The following PRCD variants were observed in gnomAD, a reference collection of about 807,000 sequenced individuals.
PRCD encodes photoreceptor disk component PRCD.
Under a neutral mutation model 10.1 loss-of-function variants are expected in PRCD, and 12 were observed. That is an observed-to-expected ratio of 1.18 (90% CI 0.76 to 1.92). PRCD has a LOEUF of 1.92. Ranked by LOEUF, PRCD falls within the 40% of genes most tolerant of loss-of-function variation. PRCD has a pLI of 0.00. For synonymous variants in PRCD, 31 were observed against 26.2 expected (o/e 1.18, Z -0.56); for missense variants, 61 against 72.2 (o/e 0.84, Z 0.56).
chr17:76,548,600 G>T (rs1388242280), downstream of PRCD, among the ~76,000 whole-genome samples: 5 of 152,216 alleles, frequency 3.3e-5, no homozygotes, highest in Non-Finnish European at 1.5e-5. Flanking sequence ...CATTTGTCAA[G>T]CCCAGGTGGG....
At chr17:76,539,993 C>T (rs1294440781), upstream of PRCD, 18 of 789,860 alleles carry the variant, frequency 2.3e-5, no homozygotes, top group Non-Finnish European at 3.1e-5. Context: ...GGCCGCTGAC[C>T]CACTAATCAG....
intron 1 of PRCD, chr17:76,552,190 C>G (rs1385622051): frequency 1.3e-5 from 2 of 152,022 alleles, no homozygotes; most frequent in East Asian, 3.9e-4. Context: ...TAAAATCTCA[C>G]TTTTTATTTA....
At chr17:76,532,775 G>A (rs1208849731) in intron 1 of PRCD, among the ~76,000 whole-genome samples, 1 of 152,060 alleles carries the variant, frequency 6.6e-6, no homozygotes. Context: ...GACCTCAGGC[G>A]ATCCGCCTGC....
At chr17:76,537,541 A>T (rs748260968), upstream of PRCD, 1 of 1,542,190 alleles carries the variant, frequency 6.5e-7, no homozygotes, top group Non-Finnish European at 8.7e-7. Context: ...CACTTTCTCC[A>T]TGAGCAGCTC....
upstream of PRCD, among the ~76,000 whole-genome samples, chr17:76,536,198 C>T (rs1243242213): frequency 1.3e-5 from 2 of 152,204 alleles, no homozygotes; most frequent in African/African-American, 4.8e-5. Flanking sequence ...CCTCTAACTC[C>T]TTAGAAGTGC....
At position 76,531,712 on chromosome 17, in the gene PRCD, G is replaced by A. The variant is rs754600110; in HGVS notation, n.45+3879G>A. On this transcript the variant is annotated intron_variant and non_coding_transcript_variant, in intron 1 of 4. Transcript: ENST00000397633. This position sits in a 1 kb window ranked among gnomAD's most constrained non-coding sequence, Gnocchi z 7.4. ...AGAACCTGGCAAGAGGAACAGGGGT[G>A]GTCGCTGAAGCTGGAGGCTGCCTCG... The A allele has an allele frequency of 6.4e-7, 1 of 1,566,746 alleles. No individual in the cohort carries two copies. Among genetic ancestry groups the A allele is most frequent in the East Asian group, 2.3e-5 (1 of 44,080 alleles).
In PRCD at chr17:76,528,698, G is replaced by C; in HGVS notation, n.45+865G>C. The C allele has an allele frequency of 8.4e-7, 1 of 1,184,654 alleles. No homozygotes were observed. The highest frequency in any genetic ancestry group is 1.1e-6 in the Non-Finnish European group (1 of 930,032). 73.4% of individuals were successfully genotyped at this position (1,184,654 alleles called of 1,614,324 possible). ...GAAAGGGGGAGGACCTGGGGCTGGC[G>C]AGGCTCACTTCCTGCCAAGAGATCC... On this transcript the variant is annotated intron_variant and non_coding_transcript_variant, in intron 1 of 4. Coordinates refer to the PRCD transcript ENST00000397633. This position sits in a 1 kb window ranked among gnomAD's most constrained non-coding sequence, Gnocchi z 5.8.
chr17:76,552,102 A>G (rs971162441), intron 1 of PRCD: 3 of 152,220 alleles, frequency 2.0e-5, no homozygotes, highest in Admixed American at 2.0e-4. Context: ...GGGAAGAATT[A>G]TTTTTAAAAG....
chr17:76,549,515 G>A (rs1199683782), downstream of PRCD, among the ~76,000 whole-genome samples: 2 of 152,202 alleles, frequency 1.3e-5, no homozygotes, highest in African/African-American at 2.4e-5. Flanking sequence ...TGTCATACAC[G>A]GCTGGGGACT....
Position 76,544,571 on chromosome 17 carries a change from C to T in PRCD, c.*921C>T, listed in dbSNP as rs2075032095. 2 of 456,584 alleles carry T rather than the reference C, an allele frequency of 4.4e-6. No homozygotes were observed. Among genetic ancestry groups the T allele is most frequent in the South Asian group, 3.1e-5 (2 of 64,576 alleles). The allele number at this position is 456,584 out of a possible 1,614,324, so 28.3% of individuals were successfully genotyped here. On this transcript the variant is annotated 3_prime_UTR_variant, in exon 5 of 5. Coordinates refer to ENST00000592014, the MANE Select transcript of PRCD (RefSeq NM_001077620.3). ...ACACTAGGGAAGGAGCCTGCAGAGG[C>T]AAAGCCAGAGCGCCAGCCTGACCCA...
At chr17:76,539,946 T>C (rs143617397), upstream of PRCD, 1,786 of 615,932 alleles carry the variant, frequency 2.9e-3, 21 homozygotes, top group African/African-American at 0.027. Flanking sequence ...GGGGAGAACC[T>C]GGGCCCAGTG....
In PRCD at chr17:76,528,587, C is replaced by G. The variant is rs376871878; in HGVS notation, n.45+754C>G. 1.6e-6 allele frequency: 2 copies of G among 1,286,300 alleles called. No individual in the cohort carries two copies. Among genetic ancestry groups the G allele is most frequent in the African/African-American group, 1.5e-5 (1 of 65,486 alleles). 79.7% of individuals were successfully genotyped at this position (1,286,300 alleles called of 1,614,324 possible). A position where few individuals can be genotyped will look rare whatever the true frequency, so the allele number is the denominator to read the frequency against. On this transcript the variant is annotated intron_variant and non_coding_transcript_variant, in intron 1 of 4. Coordinates refer to the PRCD transcript ENST00000397633. The surrounding 1 kb of genome is among the most constrained non-coding windows in gnomAD (Gnocchi z 5.8). ...GGTGGAGTTAGGGGTCCTACGGCCC[C>G]GAAGAGGGCAGTGTGGCCGGTGGGC...
At chr17:76,537,648 G>A, upstream of PRCD, 1 of 954,338 alleles carries the variant, frequency 1.0e-6, no homozygotes, top group Non-Finnish European at 1.2e-6. Context: ...TGCGCGGCGG[G>A]CGGGCGAGGG....
upstream of PRCD, chr17:76,527,680 C>T (rs1411689874): frequency 1.3e-5 from 6 of 453,882 alleles, no homozygotes; most frequent in Admixed American, 2.3e-5. Flanking sequence ...GTGGTCCCGC[C>T]GACCTGCTGC....
Position 76,531,096 on chromosome 17 carries a change from C to T in PRCD, n.45+3263C>T, listed in dbSNP as rs1374073010. 1.9e-6 allele frequency: 3 copies of T among 1,613,640 alleles called. No homozygotes were observed. The highest frequency in any genetic ancestry group is 1.6e-4 in the Middle Eastern group (1 of 6,080). On this transcript the variant is annotated intron_variant and non_coding_transcript_variant, in intron 1 of 4. Transcript: ENST00000397633. This position sits in a 1 kb window ranked among gnomAD's most constrained non-coding sequence, Gnocchi z 7.4. ...TCTCTGCGTCTCAGGTGGGAAGTCA[C>T]TGGCAAATTCCTCGGCGACCACCTC...
chr17:76,528,794 G>A lies in PRCD; in HGVS notation n.45+961G>A. The A allele has an allele frequency of 9.5e-7, 1 of 1,048,338 alleles. No individual in the cohort carries two copies. The highest frequency in any genetic ancestry group is 1.2e-6 in the Non-Finnish European group (1 of 816,582). The allele number at this position is 1,048,338 out of a possible 1,614,324, so 64.9% of individuals were successfully genotyped here. A position where few individuals can be genotyped will look rare whatever the true frequency, so the allele number is the denominator to read the frequency against. ...CCGTCCTGCTACGAACGTGCTGTGT[G>A]ATCTCAGGCAAGTCTACTGGCCCAT... On this transcript the variant is annotated intron_variant and non_coding_transcript_variant, in intron 1 of 4. Transcript: ENST00000397633. The surrounding 1 kb of genome is among the most constrained non-coding windows in gnomAD (Gnocchi z 5.8).
chr17:76,539,559 CCTTT>C (rs1370589512), upstream of PRCD, among the ~76,000 whole-genome samples: 1 of 152,198 alleles, frequency 6.6e-6, no homozygotes, highest in Non-Finnish European at 1.5e-5. Flanking sequence ...ATATTCCTCC[CCTTT>C]CTTCCTCCTC....
Position 76,533,496 on chromosome 17 carries a change from G to A in PRCD, n.45+5663G>A, listed in dbSNP as rs983306895. 2.6e-5 allele frequency among the ~76,000 whole-genome samples: 4 copies of A among 152,322 alleles called. No homozygotes were observed. The highest frequency in any genetic ancestry group is 2.1e-4 in the South Asian group (1 of 4,828). On this transcript the variant is annotated intron_variant and non_coding_transcript_variant, in intron 1 of 4. Transcript: ENST00000397633. The surrounding 1 kb of genome is among the most constrained non-coding windows in gnomAD (Gnocchi z 4.5). ...TCCTAGCACTTTACGAGGCCGAGGC[G>A]GGTGGATTGCTTGAGCTCAGGCATT...
chr17:76,530,140 G>GGGAATGTTTCTCTA lies in PRCD; in HGVS notation n.45+2307_45+2308insGGAATGTTTCTCTA. The stretch of plus-strand genomic sequence containing the variant: ...TACCACGGGAATGTTTCTCTACCAC[G>GGGAATGTTTCTCTA]CGTGTCCCGGGCTGCTGGCTGACCT... On this transcript the variant is annotated intron_variant and non_coding_transcript_variant, in intron 1 of 4. Transcript: ENST00000397633. This position sits in a 1 kb window ranked among gnomAD's most constrained non-coding sequence, Gnocchi z 6.1. 27 of 966,444 alleles carry GGGAATGTTTCTCTA rather than the reference G, an allele frequency of 2.8e-5. No homozygotes were observed. Among genetic ancestry groups the GGGAATGTTTCTCTA allele is most frequent in the Non-Finnish European group, 3.1e-5 (25 of 812,936 alleles). The allele number at this position is 966,444 out of a possible 1,614,324, so 59.9% of individuals were successfully genotyped here. A position where few individuals can be genotyped will look rare whatever the true frequency, so the allele number is the denominator to read the frequency against.
Sources: allele counts gnomAD v4.1 joint callset (sites outside exome capture counted in the v4.1 genomes callset), GRCh38; gene constraint gnomAD v4.1.1; non-coding constraint Gnocchi (gnomAD v3.1); transcripts MANE v1.5; gene names NCBI Gene and HGNC (gene_info 2026-07-23, HGNC 2026-07-21).